Variants in DNAL1 observed in about 807,000 individuals in gnomAD.
The protein encoded by DNAL1 is chromosome 14 open reading frame 168.
Under a neutral mutation model 29.4 loss-of-function variants are expected in DNAL1, and 17 were observed. That is an observed-to-expected ratio of 0.58 (90% confidence interval 0.40 to 0.87). The LOEUF (loss-of-function observed/expected upper bound fraction) is 0.87. Ranked by LOEUF, DNAL1 falls within the 40% of genes least tolerant of loss-of-function variation. The pLI, the probability that DNAL1 is intolerant of heterozygous loss-of-function variation, is 0.00. For synonymous variants in DNAL1, 78 were observed against 76.3 expected, an observed-to-expected ratio of 1.02 and a Z score of -0.12; for missense variants, 188 against 214.1, an observed-to-expected ratio of 0.88 and a Z score of 0.76.
At position 73,700,385 on chromosome 14, in the gene DNAL1, G is replaced by C. The variant is rs1429707547; in HGVS notation, c.*4443G>C. On this transcript the variant is annotated 3_prime_UTR_variant, in exon 8 of 8. Transcript: ENST00000553645. ...AAAAAAAAAATGTGGTTCTTTTGTG[G>C]AAAGAGGAATTTGAACTTGAATAAA... 1 of 151,970 alleles carries C rather than the reference G, an allele frequency of 6.6e-6. No homozygotes were observed. The highest frequency in any genetic ancestry group is 1.5e-5 in the Non-Finnish European group (1 of 67,984). The allele number at this position is 151,970 out of a possible 1,614,324, so 9.4% of individuals were successfully genotyped here.
intron 4 of DNAL1, among the ~76,000 whole-genome samples, chr14:73,663,546 T>A (rs1028199503): frequency 6.6e-6 from 1 of 152,018 alleles, no homozygotes; most frequent in African/African-American, 2.4e-5. Flanking sequence ...TCTTTTTTTT[T>A]AAATGCTGAT....
chr14:73,668,822 A>G (rs1891546990), intron 4 of DNAL1, among the ~76,000 whole-genome samples: 1 of 152,064 alleles, frequency 6.6e-6, no homozygotes, highest in Admixed American at 6.6e-5. Flanking sequence ...GATTACAGGG[A>G]CACACCACCA....
intron 1 of DNAL1, 67 bp downstream of exon 1, chr14:73,645,109 G>A (rs1890948972): frequency 1.3e-6 from 2 of 1,582,664 alleles, no homozygotes; most frequent in Non-Finnish European, 1.7e-6. Context: ...GGTGACTGTG[G>A]AGTGTTGAGG....
rs1891030059 is a variant in DNAL1 at position 73,648,411 on chromosome 14, T to TATATATATATATATA, written c.3+3375_3+3376insATATATATAATATAT. ...GTTATAACACCTCATTTCATATATA[T>TATATATATATATATA]ATATATTTGTTGTTTGTTTGTTTTT... On this transcript the variant is annotated intron_variant, in intron 1 of 7. Transcript: ENST00000553645. Among the ~76,000 whole-genome samples, 3 of 131,124 alleles carry TATATATATATATATA rather than the reference T, an allele frequency of 2.3e-5. No individual in the cohort carries two copies. The South Asian group carries it at 7.4e-4, about 32-fold the overall frequency. 86.0% of individuals were successfully genotyped at this position (131,124 alleles called of 152,430 possible). A position where few individuals can be genotyped will look rare whatever the true frequency, so the allele number is the denominator to read the frequency against.
At chr14:73,665,300 G>C (rs989170504) in intron 4 of DNAL1, among the ~76,000 whole-genome samples, 1 of 152,104 alleles carries the variant, frequency 6.6e-6, no homozygotes, top group African/African-American at 2.4e-5. Flanking sequence ...TTGTGTGTGA[G>C]ATGCCTGTCT....
chr14:73,681,655 T>TATATATATATATATATA (rs1555402648), intron 5 of DNAL1, among the ~76,000 whole-genome samples: 5 of 127,260 alleles, frequency 3.9e-5, no homozygotes, highest in African/African-American at 6.6e-5. Context: ...TATATATATA[T>TATATATATATATATATA]TAGTTGGGTG....
intron 5 of DNAL1, among the ~76,000 whole-genome samples, chr14:73,683,712 A>G (rs1465828695): frequency 7.1e-6 from 1 of 140,410 alleles, no homozygotes; most frequent in Non-Finnish European, 1.5e-5. Context: ...TATTATTATT[A>G]TTATTCTTTT....
chr14:73,666,235 T>G (rs1285861539), intron 4 of DNAL1, among the ~76,000 whole-genome samples: 1 of 152,184 alleles, frequency 6.6e-6, no homozygotes. Flanking sequence ...TATTCCTATT[T>G]AACAGGTGAT....
rs1892472849 is a variant in DNAL1, at chr14:73,702,967, A to C, written c.*7025A>C. The C allele has an allele frequency of 6.6e-6, 1 of 152,148 alleles. No homozygotes were observed. Among genetic ancestry groups the C allele is most frequent in the Non-Finnish European group, 1.5e-5 (1 of 68,062 alleles). 9.4% of individuals were successfully genotyped at this position (152,148 alleles called of 1,614,324 possible). On this transcript the variant is annotated 3_prime_UTR_variant, in exon 8 of 8. Coordinates refer to ENST00000553645, the MANE Select transcript of DNAL1 (RefSeq NM_031427.4). ...TCTACAAAAAAAAAAAAAGAAAAAA[A>C]AAATTAGTTGGGCATGGCAATGCCG...
At chr14:73,691,854 C>G (rs151321175) in intron 7 of DNAL1, among the ~76,000 whole-genome samples, 7,260 of 146,994 alleles carry the variant, frequency 0.049, 302 homozygotes, top group Middle Eastern at 0.09. Flanking sequence ...CCACCCCCCC[C>G]CCCCAGCTAA....
chr14:73,684,970 G>A (rs1208886785), intron 5 of DNAL1, among the ~76,000 whole-genome samples: 2 of 152,130 alleles, frequency 1.3e-5, no homozygotes, highest in East Asian at 3.8e-4. Context: ...CCTCCAACAT[G>A]ATATTATTTA....
chr14:73,689,546 C>G (rs1258540427), intron 7 of DNAL1, 31 bp downstream of exon 7: 2 of 1,577,538 alleles, frequency 1.3e-6, no homozygotes, highest in Admixed American at 3.7e-5. Flanking sequence ...TTAGACATAT[C>G]TTCTAGGCAT....
At chr14:73,646,100 C>T (rs1184345127) in intron 1 of DNAL1, among the ~76,000 whole-genome samples, 1 of 152,152 alleles carries the variant, frequency 6.6e-6, no homozygotes, top group African/African-American at 2.4e-5. Flanking sequence ...TTACTTTGTT[C>T]CCCAAGCAGT....
chr14:73,667,158 T>C (rs928397121), intron 4 of DNAL1, among the ~76,000 whole-genome samples: 2 of 151,954 alleles, frequency 1.3e-5, no homozygotes, highest in Non-Finnish European at 2.9e-5. Flanking sequence ...TTTTTTCTTT[T>C]TTTTTTTTAA....
intron 5 of DNAL1, among the ~76,000 whole-genome samples, chr14:73,683,596 T>C (rs1891942052): frequency 6.6e-6 from 1 of 152,094 alleles, no homozygotes. Flanking sequence ...ATTTACCAAC[T>C]TATTCCCATC....
chr14:73,685,015 T>TA (rs1337070848), intron 5 of DNAL1, among the ~76,000 whole-genome samples: 2 of 152,238 alleles, frequency 1.3e-5, no homozygotes, highest in South Asian at 2.1e-4. Flanking sequence ...TTTCAATACT[T>TA]ACAATGGTTT....
chr14:73,647,017 A>G (rs1890990583), intron 1 of DNAL1, among the ~76,000 whole-genome samples: 1 of 152,096 alleles, frequency 6.6e-6, no homozygotes, highest in East Asian at 1.9e-4. Context: ...AATGTCTTCA[A>G]ATGATGATAT....
At chr14:73,692,408 G>C (rs1892197018) in intron 7 of DNAL1, among the ~76,000 whole-genome samples, 1 of 152,000 alleles carries the variant, frequency 6.6e-6, no homozygotes, top group African/African-American at 2.4e-5. Context: ...CTTGAACCCG[G>C]GAGGCAGAGG....
At chr14:73,648,878 G>A (rs149325956) in intron 1 of DNAL1, among the ~76,000 whole-genome samples, 379 of 149,714 alleles carry the variant, frequency 2.5e-3, no homozygotes, top group African/African-American at 7.8e-3. Flanking sequence ...ATCTTCTCTC[G>A]GCCAGAAGAA....
Sources: gnomAD v4.1 joint callset for allele counts (sites outside exome capture counted in the v4.1 genomes callset) on GRCh38, gnomAD v4.1.1 for gene constraint, MANE v1.5 for transcripts, NCBI Gene and HGNC (gene_info 2026-07-23, HGNC 2026-07-21) for gene names.